Variants in GFRA2 observed in about 807,000 individuals in gnomAD.
The protein encoded by GFRA2 is GDNF family receptor alpha 2.
Under a neutral mutation model 48.3 loss-of-function variants are expected in GFRA2, and 17 were observed. That is an observed-to-expected ratio of 0.35 (90% CI 0.24 to 0.53). The LOEUF (loss-of-function observed/expected upper bound fraction) is 0.53. Ranked by LOEUF, GFRA2 falls within the 20% of genes least tolerant of loss-of-function variation. GFRA2 has a pLI of 0.93. For synonymous variants in GFRA2, 305 were observed against 257.2 expected (o/e 1.19, Z -1.78); for missense variants, 660 against 637.3 (o/e 1.04, Z -0.38).
At chr8:21,693,455 C>T in intron 8 of GFRA2, 55 bp from the exon 9 acceptor site, 1 of 1,527,102 alleles carries the variant, frequency 6.5e-7, no homozygotes, top group South Asian at 1.2e-5. Context: ...ACAAAGAAAA[C>T]AGTCAGGAGG....
chr8:21,748,877 G>C (rs1410918691), intron 4 of GFRA2, among the ~76,000 whole-genome samples: 1 of 152,042 alleles, frequency 6.6e-6, no homozygotes, highest in Non-Finnish European at 1.5e-5. Flanking sequence ...CAGCTCCCCA[G>C]AGCCCAGGCC....
At chr8:21,811,198 C>T (rs1257374787) in intron 1 of GFRA2, among the ~76,000 whole-genome samples, 1 of 152,170 alleles carries the variant, frequency 6.6e-6, no homozygotes. Flanking sequence ...CAGCAGCATC[C>T]CTCTGTACTT....
At chr8:21,782,193 G>A (rs1807025347) in intron 2 of GFRA2, among the ~76,000 whole-genome samples, 1 of 151,940 alleles carries the variant, frequency 6.6e-6, no homozygotes, top group African/African-American at 2.4e-5. Context: ...CATCTGCCTG[G>A]TCACTCTTGC....
At position 21,695,894 on chromosome 8, in the gene GFRA2, C is replaced by T. The variant is rs73669512; in HGVS notation, c.1219-1377G>A. ...ATCCTATGGCTTGTTGGAGTCTGTG[C>T]CTGTGGCCTGACACCTACGGACACC... On this transcript the variant is annotated intron_variant, in intron 7 of 8. Coordinates refer to ENST00000524240, the MANE Select transcript of GFRA2 (RefSeq NM_001495.5). Among the ~76,000 whole-genome samples, 626 of 152,240 alleles carry T rather than the reference C, an allele frequency of 4.1e-3. 3 individuals are homozygous for T. The highest frequency in any genetic ancestry group is 0.014 in the African/African-American group (601 of 41,536).
upstream of GFRA2, among the ~76,000 whole-genome samples, chr8:21,789,480 C>G (rs1375619762): frequency 6.6e-6 from 1 of 152,108 alleles, no homozygotes; most frequent in African/African-American, 2.4e-5. Flanking sequence ...AAAACCCCAG[C>G]CGGTGGCCCG....
At position 21,788,343 on chromosome 8, in the gene GFRA2, G is replaced by T; in HGVS notation, c.-184C>A. 1 of 1,357,472 alleles carries T rather than the reference G, an allele frequency of 7.4e-7. No homozygotes were observed. The allele number at this position is 1,357,472 out of a possible 1,614,324, so 84.1% of individuals were successfully genotyped here. On this transcript the variant is annotated 5_prime_UTR_variant, in exon 1 of 9. Transcript: ENST00000524240. ...ATTCTCGCCTCTGGCTGGAGGGGGT[G>T]GGGTGAGAGGCGGGCGATGGGCTGC...
At chr8:21,726,738 T>C (rs895761888) in intron 4 of GFRA2, among the ~76,000 whole-genome samples, 17 of 150,420 alleles carry the variant, frequency 1.1e-4, no homozygotes, top group Non-Finnish European at 1.3e-4. Flanking sequence ...TAATTACATC[T>C]GCAAACACCC....
At chr8:21,755,307 TG>T (rs948844275) in intron 3 of GFRA2, among the ~76,000 whole-genome samples, 15 of 152,032 alleles carry the variant, frequency 9.9e-5, no homozygotes, top group Admixed American at 9.8e-4. Flanking sequence ...AGGCTGTGCC[TG>T]GGGAGGAGTA....
At chr8:21,762,204 C>A (rs2117650575) in intron 3 of GFRA2, among the ~76,000 whole-genome samples, 1 of 152,220 alleles carries the variant, frequency 6.6e-6, no homozygotes, top group Middle Eastern at 3.4e-3. Context: ...CCTTCTGGGC[C>A]CCCTCACCAC....
chr8:21,796,205 T>C (rs1270535155), intron 2 of GFRA2, among the ~76,000 whole-genome samples: 1 of 152,216 alleles, frequency 6.6e-6, no homozygotes, highest in African/African-American at 2.4e-5. Flanking sequence ...CCCAGCCTTG[T>C]CCTGAAGTTG....
In GFRA2 at chr8:21,788,420, G is replaced by T. The variant is rs1434289894; in HGVS notation, c.-261C>A. ...TACAATCAAATATACGCGTATCTGT[G>T]TATCGGCTTTCTAAGCCAACAGCCC... On this transcript the variant is annotated 5_prime_UTR_variant, in exon 1 of 9. Transcript: ENST00000524240. 4 of 1,262,484 alleles carry T rather than the reference G, an allele frequency of 3.2e-6. No individual in the cohort carries two copies. The highest frequency in any genetic ancestry group is 4.0e-6 in the Non-Finnish European group (4 of 1,004,988). 78.2% of individuals were successfully genotyped at this position (1,262,484 alleles called of 1,614,324 possible). A position where few individuals can be genotyped will look rare whatever the true frequency, so the allele number is the denominator to read the frequency against.
upstream of GFRA2, among the ~76,000 whole-genome samples, chr8:21,791,049 C>G (rs1363028767): frequency 1.3e-5 from 2 of 152,150 alleles, no homozygotes; most frequent in African/African-American, 2.4e-5. Flanking sequence ...CAGGCCTTCC[C>G]CCTTCCAAGG....
Position 21,788,700 on chromosome 8 carries a change from G to A in GFRA2, c.-541C>T, listed in dbSNP as rs1210058365. 2 of 985,372 alleles carry A rather than the reference G, an allele frequency of 2.0e-6. No homozygotes were observed. The highest frequency in any genetic ancestry group is 2.4e-6 in the Non-Finnish European group (2 of 829,950). The allele number at this position is 985,372 out of a possible 1,614,324, so 61.0% of individuals were successfully genotyped here. ...ACGAGAGACTGGAGTCGCTTCTTTCGCACCAAGACGAAGACAAGATTCAAA... is the reference window on the plus strand; with the variant it reads ...ACGAGAGACTGGAGTCGCTTCTTTCACACCAAGACGAAGACAAGATTCAAA... On this transcript the variant is annotated 5_prime_UTR_variant, in exon 1 of 9. Transcript: ENST00000524240.
chr8:21,750,777 T>A lies in GFRA2; in HGVS notation c.605A>T (p.Lys202Met). ...TERCNRRKCHKALRQFFDRVP... is the reference protein window; with the variant it reads ...TERCNRRKCHMALRQFFDRVP... ...CCGGTCGAAGAACTGGCGCAGGGCC[T>A]TGTGGCACTTGCGGCGGTTGCAGCG... Residue 202 changes from lysine to methionine, a missense_variant, in exon 4 of 9, where the codon AAG becomes ATG. Coordinates refer to ENST00000524240, the MANE Select transcript of GFRA2 (RefSeq NM_001495.5). This position sits in a 1 kb window ranked among gnomAD's most constrained non-coding sequence, Gnocchi z 5.7. The A allele has an allele frequency of 6.2e-7, 1 of 1,613,932 alleles. No homozygotes were observed. Among genetic ancestry groups the A allele is most frequent in the South Asian group, 1.1e-5 (1 of 91,078 alleles).
At chr8:21,803,855 A>G (rs796541107) in intron 2 of GFRA2, among the ~76,000 whole-genome samples, 13 of 152,074 alleles carry the variant, frequency 8.5e-5, no homozygotes, top group African/African-American at 3.1e-4. Context: ...CTAGTCTGAA[A>G]CTCCCAGCGA....
At chr8:21,730,049 G>C (rs1188865693) in intron 4 of GFRA2, among the ~76,000 whole-genome samples, 2 of 152,074 alleles carry the variant, frequency 1.3e-5, no homozygotes, top group Admixed American at 1.3e-4. Flanking sequence ...TGGTGGGAGG[G>C]GGGGCCTCAT....
chr8:21,702,759 TC>T, intron 7 of GFRA2, 45 bp downstream of exon 7: 3 of 1,516,460 alleles, frequency 2.0e-6, no homozygotes, highest in Non-Finnish European at 1.8e-6. Context: ...CCATGCCACT[TC>T]CGGTGCCATG....
chr8:21,720,582 T>C (rs1423362666), intron 4 of GFRA2, among the ~76,000 whole-genome samples: 1 of 152,132 alleles, frequency 6.6e-6, no homozygotes, highest in East Asian at 1.9e-4. Flanking sequence ...ATCTCTCCCA[T>C]CTCATCTCTC....
intron 1 of GFRA2, among the ~76,000 whole-genome samples, chr8:21,787,273 A>AG (rs1585344097): frequency 1.9e-5 from 1 of 51,822 alleles, no homozygotes; most frequent in Non-Finnish European, 3.7e-5. Flanking sequence ...CGGGGGGGGC[A>AG]GTGGGGGGGG....
Sources: gnomAD v4.1 joint callset for allele counts (sites outside exome capture counted in the v4.1 genomes callset) on GRCh38, gnomAD v4.1.1 for gene constraint, Gnocchi (gnomAD v3.1) non-coding constraint, MANE v1.5 for transcripts, NCBI Gene and HGNC (gene_info 2026-07-23, HGNC 2026-07-21) for gene names.